XIRP2: variants seen among roughly 807,000 people sequenced by gnomAD.
XIRP2 encodes the protein xin actin-binding repeat-containing protein 2.
In XIRP2, 236 loss-of-function variants were observed where a neutral mutation model predicts 277.0. The observed-to-expected ratio is 0.85, with a 90% CI of 0.77 to 0.95. The LOEUF is 0.95. Ranked by LOEUF, XIRP2 falls within the 40% of genes least tolerant of loss-of-function variation. XIRP2 has a pLI of 0.00. For synonymous variants in XIRP2, 1,490 were observed against 1,416.5 expected (o/e 1.05, Z -1.17); for missense variants, 4,640 against 4,157.5 (o/e 1.12, Z -3.19).
At chr2:167,040,796 T>C (rs1232688226) in intron 2 of XIRP2, among the ~76,000 whole-genome samples, 1 of 152,116 alleles carries the variant, frequency 6.6e-6, no homozygotes, top group Non-Finnish European at 1.5e-5. Flanking sequence ...CCTAGGTAAA[T>C]AGCCAGATAG....
intron 3 of XIRP2, among the ~76,000 whole-genome samples, chr2:167,190,916 A>C (rs2105366198): frequency 6.6e-6 from 1 of 152,298 alleles, no homozygotes; most frequent in East Asian, 1.9e-4. Flanking sequence ...AGATAAAAGA[A>C]ATTTATTGGC....
At chr2:167,257,555 A>T (rs1225691537) in intron 10 of XIRP2, among the ~76,000 whole-genome samples, 1 of 152,042 alleles carries the variant, frequency 6.6e-6, no homozygotes, top group Non-Finnish European at 1.5e-5. Context: ...CACATAAATC[A>T]TTGAATTAGC....
In XIRP2 at chr2:167,244,492, C is replaced by T. The variant is rs779318184; in HGVS notation, c.3100C>T (p.His1034Tyr). The change falls in exon 9 of 11, where the codon CAT becomes TAT. Residue 1034 changes from histidine (H) to tyrosine (Y), a missense_variant. Coordinates refer to ENST00000409195, the MANE Select transcript of XIRP2 (RefSeq NM_152381.6). ...CATTGACCAGTTTGATGAAAGCATTCATAAATTTCAAATAATTAGAGGAAT... is the reference window on the plus strand; with the variant it reads ...CATTGACCAGTTTGATGAAAGCATTTATAAATTTCAAATAATTAGAGGAAT... ...RPIDQFDESI[H>Y]KFQIIRGISA... The T allele has an allele frequency of 2.5e-6, 4 of 1,613,600 alleles. No individual in the cohort carries two copies. In the East Asian group the frequency reaches 6.7e-5, roughly 27 times the overall value.
chr2:166,977,314 C>A (rs1198008198), intron 2 of XIRP2, among the ~76,000 whole-genome samples: 2 of 152,118 alleles, frequency 1.3e-5, no homozygotes, highest in Admixed American at 6.5e-5. Context: ...TTTTTTCTAA[C>A]CCATTCTCGC....
intron 3 of XIRP2, among the ~76,000 whole-genome samples, chr2:167,164,445 C>CAAAAAA (rs36066566): frequency 2.6e-4 from 12 of 46,622 alleles, no homozygotes; most frequent in East Asian, 1.4e-3. Context: ...GACTCCGTCT[C>CAAAAAA]AAAAAAAAAA....
intron 3 of XIRP2, among the ~76,000 whole-genome samples, chr2:167,179,665 G>C (rs1239797497): frequency 2.0e-5 from 3 of 147,888 alleles, no homozygotes; most frequent in Non-Finnish European, 4.5e-5. Flanking sequence ...TTTTGAGACA[G>C]GGTCTTGCTC....
In XIRP2 at chr2:167,247,282, A is replaced by G. The variant is rs763075507; in HGVS notation, c.5890A>G (p.Ile1964Val). 16 of 1,613,620 alleles carry G rather than the reference A, an allele frequency of 9.9e-6. No homozygotes were observed. Among genetic ancestry groups the G allele is most frequent in the Middle Eastern group, 1.6e-4 (1 of 6,084 alleles). Reference protein sequence around the residue: ...AGSSGEQKTDIHQVAVQRNKN... With the variant: ...AGSSGEQKTDVHQVAVQRNKN... ...ATCCTCGGGAGAGCAGAAAACAGAT[A>G]TTCATCAGGTTGCTGTCCAGAGGAA... Residue 1964 changes from isoleucine (I) to valine (V), a missense_variant, in exon 9 of 11, where the codon ATT becomes GTT. Physicochemically the swap from Ile to Val is conservative, Grantham distance 29 (BLOSUM62 3). Transcript: ENST00000409195.
In XIRP2 at chr2:167,250,404, T is replaced by A; in HGVS notation, c.9012T>A (p.Asn3004Lys). The A allele has an allele frequency of 6.2e-6, 10 of 1,613,368 alleles. No individual in the cohort carries two copies. Among genetic ancestry groups the A allele is most frequent in the Non-Finnish European group, 8.5e-6 (10 of 1,179,656 alleles). ...CAGTTCACATTGCCATGGAGAATAA[T>A]TTAGAAAAAGTAAAAGAAGAAATAA... ...EYAVHIAMEN[N>K]LEKVKEEITH... The change falls in exon 9 of 11, where the codon AAT becomes AAA. Residue 3004 changes from asparagine to lysine, a missense_variant. Coordinates refer to ENST00000409195, the MANE Select transcript of XIRP2 (RefSeq NM_152381.6).
At chr2:166,892,858 A>T (rs566507140) in intron 1 of XIRP2, among the ~76,000 whole-genome samples, 153 of 146,118 alleles carry the variant, frequency 1.0e-3, no homozygotes, top group Non-Finnish European at 1.8e-3. Flanking sequence ...TATATGTTTT[A>T]TATATATATG....
intron 2 of XIRP2, among the ~76,000 whole-genome samples, chr2:166,987,319 A>C (rs1687032833): frequency 6.6e-6 from 1 of 152,170 alleles, no homozygotes; most frequent in African/African-American, 2.4e-5. Flanking sequence ...AAGTCCCAAA[A>C]TAGACTGATC....
intron 10 of XIRP2, among the ~76,000 whole-genome samples, chr2:167,256,479 A>G (rs1695661376): frequency 6.6e-6 from 1 of 151,298 alleles, no homozygotes. Flanking sequence ...GAGATTTTAA[A>G]TTCTGATTCA....
chr2:167,251,287 G>A lies in XIRP2; in HGVS notation c.9895G>A (p.Val3299Ile). Reference protein sequence around the residue: ...SYDAVEIIRKVAVPPRLSEHT... With the variant: ...SYDAVEIIRKIAVPPRLSEHT... ...TGATGCAGTTGAAATCATCCGCAAG[G>A]TTGCAGTGCCTCCTCGCCTGTCAGA... Residue 3299 changes from valine (V) to isoleucine (I), a missense_variant, in exon 9 of 11, where the codon GTT becomes ATT. Physicochemically the swap from Val to Ile is conservative, Grantham distance 29 (BLOSUM62 3). Coordinates refer to ENST00000409195, the MANE Select transcript of XIRP2 (RefSeq NM_152381.6). The A allele has an allele frequency of 6.2e-7, 1 of 1,613,574 alleles. No individual in the cohort carries two copies. The highest frequency in any genetic ancestry group is 2.2e-5 in the East Asian group (1 of 44,828).
intron 3 of XIRP2, among the ~76,000 whole-genome samples, chr2:167,137,845 C>G (rs980542290): frequency 6.6e-6 from 1 of 152,118 alleles, no homozygotes; most frequent in South Asian, 2.1e-4. Context: ...CTAATTCCTA[C>G]GTAGCAATAC....
chr2:167,063,001 T>C (rs1046089507), intron 2 of XIRP2, among the ~76,000 whole-genome samples: 3 of 152,012 alleles, frequency 2.0e-5, no homozygotes, highest in African/African-American at 7.2e-5. Flanking sequence ...TAATTTTATA[T>C]TTGTTTTTCT....
chr2:166,890,072 T>A (rs935517468), intron 1 of XIRP2, among the ~76,000 whole-genome samples: 1 of 150,216 alleles, frequency 6.7e-6, no homozygotes, highest in Non-Finnish European at 1.5e-5. Context: ...CTCGGCTCAC[T>A]GCAACGTCCA....
chr2:167,103,267 A>C (rs1690533377), intron 2 of XIRP2, among the ~76,000 whole-genome samples: 1 of 152,180 alleles, frequency 6.6e-6, no homozygotes, highest in African/African-American at 2.4e-5. Context: ...TTATTACTTA[A>C]AAAGAACAAA....
At chr2:167,020,461 AATGT>A (rs1373076289) in intron 2 of XIRP2, among the ~76,000 whole-genome samples, 2 of 152,030 alleles carry the variant, frequency 1.3e-5, no homozygotes, top group African/African-American at 4.8e-5. Context: ...TAGTATATAC[AATGT>A]ATTGCATATG....
At chr2:167,094,005 C>T (rs917162169) in intron 2 of XIRP2, among the ~76,000 whole-genome samples, 18 of 151,606 alleles carry the variant, frequency 1.2e-4, no homozygotes, top group Admixed American at 9.8e-4. Flanking sequence ...TAATGATCAC[C>T]ATTCTAACTG....
At chr2:167,017,671 C>T (rs533872255) in intron 2 of XIRP2, among the ~76,000 whole-genome samples, 52 of 152,038 alleles carry the variant, frequency 3.4e-4, no homozygotes, top group South Asian at 3.3e-3. Context: ...CCTCTTGGTT[C>T]CTCGACTCAT....
Sources: allele counts gnomAD v4.1 joint callset (sites outside exome capture counted in the v4.1 genomes callset), GRCh38; gene constraint gnomAD v4.1.1; transcripts MANE v1.5; gene names NCBI Gene and HGNC (gene_info 2026-07-23, HGNC 2026-07-21).